Variants in VWC2 observed in about 807,000 individuals in gnomAD.
The protein encoded by VWC2 is von Willebrand factor C domain containing 2, also known as brorin.
Under a neutral mutation model 29.8 loss-of-function variants are expected in VWC2, and 14 were observed. The observed-to-expected ratio is 0.47, with a 90% CI of 0.31 to 0.74. The LOEUF (loss-of-function observed/expected upper bound fraction) is 0.74, where lower values mean the gene tolerates loss of function less well. Among genes scored for constraint, VWC2 ranks in the 30% least tolerant of loss-of-function variants. The pLI is 0.05. For missense variants in VWC2, 457 were observed against 459.8 expected, an observed-to-expected ratio of 0.99 and a Z score of 0.05; for synonymous variants, 213 against 199.0, an observed-to-expected ratio of 1.07 and a Z score of -0.59.
intron 3 of VWC2, among the ~76,000 whole-genome samples, chr7:49,825,409 G>T (rs1789370564): frequency 6.6e-6 from 1 of 152,130 alleles, no homozygotes; most frequent in African/African-American, 2.4e-5. Context: ...ATACATTGCA[G>T]CAACTCTGGG....
chr7:49,874,975 T>C (rs1430916363), intron 3 of VWC2, among the ~76,000 whole-genome samples: 1 of 152,034 alleles, frequency 6.6e-6, no homozygotes, highest in Non-Finnish European at 1.5e-5. Context: ...GTCTTTGAAA[T>C]AGTTTCATCG....
chr7:49,902,888 C>T (rs139557202), intron 3 of VWC2, among the ~76,000 whole-genome samples: 104 of 152,086 alleles, frequency 6.8e-4, no homozygotes, highest in African/African-American at 2.4e-3. Flanking sequence ...AGGAACAGTA[C>T]GTGGAACATA....
chr7:49,857,700 G>A (rs942899618), intron 3 of VWC2, among the ~76,000 whole-genome samples: 1 of 152,136 alleles, frequency 6.6e-6, no homozygotes, highest in African/African-American at 2.4e-5. Flanking sequence ...CTCTTGGTGG[G>A]AATGCAAAAT....
intron 3 of VWC2, among the ~76,000 whole-genome samples, chr7:49,850,151 C>T (rs541642465): frequency 4.6e-5 from 7 of 152,276 alleles, no homozygotes; most frequent in East Asian, 3.9e-4. Context: ...AGTGCTGTAA[C>T]GCAGTATTCA....
chr7:49,782,692 A>T (rs951608329), intron 2 of VWC2, among the ~76,000 whole-genome samples: 1 of 129,408 alleles, frequency 7.7e-6, no homozygotes, highest in African/African-American at 3.9e-5. Flanking sequence ...AACAAATTGA[A>T]AAAAAAAAAA....
chr7:49,790,999 G>T (rs769608), intron 2 of VWC2, among the ~76,000 whole-genome samples: 1 of 151,660 alleles, frequency 6.6e-6, no homozygotes, highest in Non-Finnish European at 1.5e-5. Flanking sequence ...TTCTATCACT[G>T]GCCCTGTGGT....
intron 3 of VWC2, among the ~76,000 whole-genome samples, chr7:49,898,056 A>G (rs1453197804): frequency 6.6e-6 from 1 of 152,062 alleles, no homozygotes; most frequent in Non-Finnish European, 1.5e-5. Flanking sequence ...GAAGAGAAAT[A>G]CTCAACTTTA....
intron 3 of VWC2, among the ~76,000 whole-genome samples, chr7:49,906,599 G>A (rs1793107549): frequency 6.6e-6 from 1 of 152,172 alleles, no homozygotes; most frequent in Admixed American, 6.5e-5. Context: ...GCCTCACAAA[G>A]TGCTGGGATT....
intron 3 of VWC2, among the ~76,000 whole-genome samples, chr7:49,845,114 A>G (rs1439242245): frequency 6.6e-6 from 1 of 152,126 alleles, no homozygotes; most frequent in Non-Finnish European, 1.5e-5. Context: ...GGAACAACAC[A>G]CACGGGGCCT....
intron 3 of VWC2, among the ~76,000 whole-genome samples, chr7:49,828,394 G>C (rs1789451675): frequency 6.6e-6 from 1 of 152,144 alleles, no homozygotes; most frequent in Admixed American, 6.6e-5. Flanking sequence ...GTTTTTGCAA[G>C]TAAACACTAA....
chr7:49,799,624 A>G (rs1424067063), intron 2 of VWC2, among the ~76,000 whole-genome samples: 1 of 152,172 alleles, frequency 6.6e-6, no homozygotes, highest in African/African-American at 2.4e-5. Flanking sequence ...CTAAGCATCA[A>G]CTCTGATTTT....
At chr7:49,834,171 C>T (rs530864982) in intron 3 of VWC2, among the ~76,000 whole-genome samples, 1 of 152,268 alleles carries the variant, frequency 6.6e-6, no homozygotes, top group Non-Finnish European at 1.5e-5. Context: ...ACTCTCTGAT[C>T]TGTGCGCAGG....
intron 3 of VWC2, among the ~76,000 whole-genome samples, chr7:49,853,612 G>A (rs144171758): frequency 3.3e-5 from 5 of 151,864 alleles, no homozygotes; most frequent in African/African-American, 9.7e-5. Context: ...GTATGTTTAC[G>A]AACATACTTT....
intron 3 of VWC2, among the ~76,000 whole-genome samples, chr7:49,863,075 C>T (rs1764643755): frequency 6.6e-6 from 1 of 152,142 alleles, no homozygotes; most frequent in South Asian, 2.1e-4. Context: ...AATAATTCAC[C>T]AGTGAAACCA....
chr7:49,875,814 T>A (rs1791392219), intron 3 of VWC2, among the ~76,000 whole-genome samples: 1 of 152,134 alleles, frequency 6.6e-6, no homozygotes, highest in Non-Finnish European at 1.5e-5. Context: ...TTAGTATTGG[T>A]ATTATTATTC....
At chr7:49,811,283 C>A (rs1390678033) in intron 3 of VWC2, among the ~76,000 whole-genome samples, 1 of 152,158 alleles carries the variant, frequency 6.6e-6, no homozygotes, top group Non-Finnish European at 1.5e-5. Flanking sequence ...TGTGTCCACA[C>A]CCAAATCTCA....
At chr7:49,902,530 C>G (rs1375971692) in intron 3 of VWC2, among the ~76,000 whole-genome samples, 4 of 144,550 alleles carry the variant, frequency 2.8e-5, no homozygotes, top group Non-Finnish European at 4.5e-5. Context: ...ACAAATGACA[C>G]TGTAACAATT....
intron 3 of VWC2, among the ~76,000 whole-genome samples, chr7:49,821,570 T>G (rs1188864279): frequency 2.0e-5 from 3 of 152,116 alleles, no homozygotes; most frequent in African/African-American, 7.2e-5. Flanking sequence ...CATTAAATAA[T>G]GTCAGTTTTA....
intron 3 of VWC2, among the ~76,000 whole-genome samples, chr7:49,836,782 A>C (rs534731458): frequency 5.8e-4 from 89 of 152,198 alleles, no homozygotes; most frequent in Non-Finnish European, 1.0e-3. Flanking sequence ...ATATAGATAC[A>C]TTACAAAAGA....
Sources: allele counts gnomAD v4.1 joint callset (sites outside exome capture counted in the v4.1 genomes callset), GRCh38; gene constraint gnomAD v4.1.1; transcripts MANE v1.5; gene names NCBI Gene and HGNC (gene_info 2026-07-23, HGNC 2026-07-21).